ITIH1: variants seen among roughly 807,000 people sequenced by gnomAD.
The protein encoded by ITIH1 is inter-alpha-trypsin inhibitor heavy chain H1.
A neutral mutation model predicts 104.6 loss-of-function variants in ITIH1; 94 were observed. That is an observed-to-expected ratio of 0.90 (90% CI 0.76 to 1.07). The LOEUF (loss-of-function observed/expected upper bound fraction) is 1.07, where lower values mean the gene tolerates loss of function less well. ITIH1 is among the 50% of genes least tolerant of loss of function. The pLI, the probability that ITIH1 is intolerant of heterozygous loss-of-function variation, is 0.00. For synonymous variants in ITIH1, 455 were observed against 464.4 expected (o/e 0.98, Z 0.26); for missense variants, 1,193 against 1,181.4 (o/e 1.01, Z -0.14).
At chr3:52,781,811 C>T in intron 6 of ITIH1, 129 bp from the exon 7 acceptor site, 2 of 1,185,002 alleles carry the variant, frequency 1.7e-6, no homozygotes, top group East Asian at 4.9e-5. Context: ...GTGAGTGGCC[C>T]ACCGAACTCG....
In ITIH1 at chr3:52,788,249, T is replaced by G. The variant is rs1327362167; in HGVS notation, c.2023T>G (p.Phe675Val). ...RVTGVDTDPH[F>V]IIHVPQKEDT... is the part of the protein sequence containing the mutation. ...GCCCCCAGTGGACACAGACCCTCAC[T>G]TCATCATCCACGTGCCCCAGAAAGA... Residue 675 changes from phenylalanine (F) to valine (V), a missense_variant, in exon 18 of 22, where the codon TTC becomes GTC. Transcript: ENST00000273283. 1.2e-6 allele frequency: 2 copies of G among 1,611,164 alleles called. No homozygotes were observed. The highest frequency in any genetic ancestry group is 2.7e-5 in the African/African-American group (2 of 74,888).
chr3:52,791,743 G>A, intron 21 of ITIH1, 39 bp from the exon 22 acceptor site: 1 of 1,606,280 alleles, frequency 6.2e-7, no homozygotes, highest in Non-Finnish European at 8.5e-7. Context: ...CTGCCCTACT[G>A]GTCCGAAGGG....
At position 52,779,091 on chromosome 3, in the gene ITIH1, C is replaced by T. The variant is rs1698976546; in HGVS notation, c.410+45C>T. ...GTCTCATCTCTAGGGCTGCCCTCCC[C>T]AGCCAGGACAGGTCTGATGGCTGCA... On this transcript the variant is annotated intron_variant, in intron 4 of 21. Coordinates refer to ENST00000273283, the MANE Select transcript of ITIH1 (RefSeq NM_002215.4). This position sits in a 1 kb window ranked among gnomAD's most constrained non-coding sequence, Gnocchi z 4.4. 7.5e-7 allele frequency: 1 copy of T among 1,328,984 alleles called. No homozygotes were observed. The highest frequency in any genetic ancestry group is 1.1e-6 in the Non-Finnish European group (1 of 920,134). The allele number at this position is 1,328,984 out of a possible 1,614,324, so 82.3% of individuals were successfully genotyped here.
Position 52,783,333 on chromosome 3 carries a change from A to C in ITIH1, c.1219A>C (p.Thr407Pro), listed in dbSNP as rs752751470. The part of the protein sequence containing the change: ...ILIMLTDGDP[T>P]EGVTDRSQIL... ...CATCATGTTGACAGATGGCGATCCC[A>C]CAGAGGGTAAGCACCTTGGGGGCTG... The change falls in exon 10 of 22, where the codon ACA (threonine) becomes CCA (proline). Residue 407 changes from threonine (T) to proline (P), a missense_variant. Thr to Pro is a conservative substitution (Grantham distance 38). Coordinates refer to ENST00000273283, the MANE Select transcript of ITIH1 (RefSeq NM_002215.4). 4.2e-5 allele frequency: 68 copies of C among 1,613,812 alleles called. No individual in the cohort carries two copies. Among genetic ancestry groups the C allele is most frequent in the Non-Finnish European group, 5.1e-5 (60 of 1,180,014 alleles).
chr3:52,782,804 G>C (rs1032005260), intron 8 of ITIH1, among the ~76,000 whole-genome samples, 153 bp from the exon 9 acceptor site: 2 of 151,988 alleles, frequency 1.3e-5, no homozygotes, highest in Non-Finnish European at 2.9e-5. Context: ...CCAAGGCCCG[G>C]CAGGATGCTC....
At position 52,784,450 on chromosome 3, in the gene ITIH1, G is replaced by A. The variant is rs1345985262; in HGVS notation, c.1380G>A (p.Glu460=). ...ENNGRAQRIY[E]DHDATQQLQG... ...ACGGACGGGCCCAGAGAATCTACGA[G>A]GACCATGATGCCACCCAGCAGCTGC... The change falls in exon 11 of 22, where the codon GAG becomes GAA. Residue 460 remains glutamate, a synonymous_variant. Transcript: ENST00000273283. The A allele has an allele frequency of 2.5e-6, 4 of 1,613,934 alleles. No homozygotes were observed. The highest frequency in any genetic ancestry group is 3.4e-6 in the Non-Finnish European group (4 of 1,179,958).
At position 52,785,009 on chromosome 3, in the gene ITIH1, G is replaced by A. The variant is rs778216684; in HGVS notation, c.1408-35G>A. On this transcript the variant is annotated intron_variant, in intron 11 of 21. Transcript: ENST00000273283. ...AGGCTTCCCATTAGGAGCCCAGGGT[G>A]CTCAGCTCTAAGGCTGCAACCTCTA... 15 of 1,606,952 alleles carry A rather than the reference G, an allele frequency of 9.3e-6. No homozygotes were observed. In the South Asian group the frequency reaches 1.7e-4, roughly 18 times the overall value.
chr3:52,790,946 C>T (rs1699341010), intron 20 of ITIH1, 25 bp downstream of exon 20: 1 of 1,582,244 alleles, frequency 6.3e-7, no homozygotes, highest in Admixed American at 1.9e-5. Context: ...GCTGGCAGGG[C>T]TGTGGGGAAG....
rs770966368 is a variant in ITIH1, at chr3:52,789,829, G to A, written c.2296G>A (p.Asp766Asn). Residue 766 changes from aspartate to asparagine, a missense_variant, in exon 19 of 22, where the codon GAC (aspartate) becomes AAC (asparagine). Transcript: ENST00000273283. ...GFGGPVFSWR[D>N]QAVLRQDGVV... Reference sequence around the variant, plus strand: ...TGGTGGGCCTGTGTTTTCCTGGAGGGACCAAGCTGTGCTGCGGCAGGACGG... The same window carrying A: ...TGGTGGGCCTGTGTTTTCCTGGAGGAACCAAGCTGTGCTGCGGCAGGACGG... 7 of 1,614,204 alleles carry A rather than the reference G, an allele frequency of 4.3e-6. No individual in the cohort carries two copies. Among genetic ancestry groups the A allele is most frequent in the South Asian group, 1.1e-5 (1 of 91,074 alleles).
chr3:52,784,271 C>A, intron 10 of ITIH1, 25 bp from the exon 11 acceptor site: 1 of 1,602,708 alleles, frequency 6.2e-7, no homozygotes, highest in South Asian at 1.1e-5. Flanking sequence ...AGCATCCCGT[C>A]ACTACCCAGG....
rs1578727050 is a variant in ITIH1 at position 52,778,417 on chromosome 3, C to T, written c.216C>T (p.Thr72=). ...VTSRFAHYVV[T]SQVVNTANEA... is the part of the protein sequence containing the mutation. ...CTCGCTTCGCCCACTATGTTGTCAC[C>T]AGCCAAGTGGTCAACACTGCCAATG... The change falls in exon 3 of 22, where the codon ACC becomes ACT. Residue 72 remains threonine, a synonymous_variant. Transcript: ENST00000273283. 2 of 1,614,212 alleles carry T rather than the reference C, an allele frequency of 1.2e-6. No homozygotes were observed. Among genetic ancestry groups the T allele is most frequent in the South Asian group, 2.2e-5 (2 of 91,088 alleles).
chr3:52,787,170 T>C lies in ITIH1; in HGVS notation c.1889-18T>C, dbSNP rs756269176. 1.2e-6 allele frequency: 2 copies of C among 1,614,118 alleles called. No homozygotes were observed. Among genetic ancestry groups the C allele is most frequent in the Non-Finnish European group, 8.5e-7 (1 of 1,180,020 alleles). On this transcript the variant is annotated intron_variant, in intron 14 of 21. Coordinates refer to ENST00000273283, the MANE Select transcript of ITIH1 (RefSeq NM_002215.4). ...AACCTCTGGGGCTCTAATTATTTTCTCTTTCTCTCCCTTCCAGATTCTCCG... is the reference window on the plus strand; with the variant it reads ...AACCTCTGGGGCTCTAATTATTTTCCCTTTCTCTCCCTTCCAGATTCTCCG...
chr3:52,781,044 T>C (rs1324851572), intron 6 of ITIH1, among the ~76,000 whole-genome samples: 1 of 152,238 alleles, frequency 6.6e-6, no homozygotes. Flanking sequence ...CCTTTTAAAC[T>C]AAATATGACA....
At chr3:52,789,136 G>A (rs1464611963) in intron 18 of ITIH1, among the ~76,000 whole-genome samples, 1 of 147,260 alleles carries the variant, frequency 6.8e-6, no homozygotes, top group Non-Finnish European at 1.5e-5. Flanking sequence ...CGAGGGGCTG[G>A]GAATGCAGTG....
At position 52,786,479 on chromosome 3, in the gene ITIH1, A is replaced by C. The variant is rs368541371; in HGVS notation, c.1733+45A>C. On this transcript the variant is annotated intron_variant, in intron 13 of 21. Coordinates refer to ENST00000273283, the MANE Select transcript of ITIH1 (RefSeq NM_002215.4). ...CCCAGGTGGGCACTGCCCACCCCAGAGTCCCCCCACCCCTTGGAGGTGAGC... is the reference window on the plus strand; with the variant it reads ...CCCAGGTGGGCACTGCCCACCCCAGCGTCCCCCCACCCCTTGGAGGTGAGC... 3.1e-5 allele frequency: 48 copies of C among 1,542,284 alleles called. No individual in the cohort carries two copies. The African/African-American group carries it at 6.0e-4, about 19-fold the overall frequency.
Position 52,779,318 on chromosome 3 carries a change from G to C in ITIH1, c.411-114G>C. On this transcript the variant is annotated intron_variant, in intron 4 of 21. Transcript: ENST00000273283. The surrounding 1 kb of genome is among the most constrained non-coding windows in gnomAD (Gnocchi z 4.4). ...ACATTTGTGAGGTCCAGGGAAACCT[G>C]GGAGCAACACTCATCTAAGAGAAAT... is the stretch of plus-strand genomic sequence containing the variant. 3 of 1,190,974 alleles carry C rather than the reference G, an allele frequency of 2.5e-6. No individual in the cohort carries two copies. In the South Asian group the frequency reaches 4.1e-5, roughly 16 times the overall value. 73.8% of individuals were successfully genotyped at this position (1,190,974 alleles called of 1,614,324 possible).
rs768236089 is a variant in ITIH1, at chr3:52,791,808, A to G, written c.2633A>G (p.Asp878Gly). ...GGTTTGCAAAAAGACTACAGCAAGG[A>G]CCCGTGGCATGGGGCCGAGGTGTCC... Reference protein sequence around the residue: ...TRGLQKDYSKDPWHGAEVSCW... With the variant: ...TRGLQKDYSKGPWHGAEVSCW... Residue 878 changes from aspartate (D) to glycine (G), a missense_variant, in exon 22 of 22, where the codon GAC becomes GGC. Coordinates refer to ENST00000273283, the MANE Select transcript of ITIH1 (RefSeq NM_002215.4). The G allele has an allele frequency of 1.9e-6, 3 of 1,613,970 alleles. No individual in the cohort carries two copies. Among genetic ancestry groups the G allele is most frequent in the Non-Finnish European group, 2.5e-6 (3 of 1,179,930 alleles).
chr3:52,781,090 G>A (rs1699020600), intron 6 of ITIH1, among the ~76,000 whole-genome samples: 1 of 152,144 alleles, frequency 6.6e-6, no homozygotes, highest in African/African-American at 2.4e-5. Flanking sequence ...TGCTTTCTGT[G>A]GGGGAACAAA....
intron 3 of ITIH1, 109 bp from the exon 4 acceptor site, chr3:52,778,833 A>G: frequency 9.5e-7 from 1 of 1,056,546 alleles, no homozygotes; most frequent in Non-Finnish European, 1.4e-6. Flanking sequence ...GGGCAGTGGA[A>G]GGCTCGTCAG....
Sources: gnomAD v4.1 joint callset for allele counts (sites outside exome capture counted in the v4.1 genomes callset) on GRCh38, gnomAD v4.1.1 for gene constraint, Gnocchi (gnomAD v3.1) non-coding constraint, MANE v1.5 for transcripts, NCBI Gene and HGNC (gene_info 2026-07-23, HGNC 2026-07-21) for gene names.